NTRK2: variants seen among roughly 807,000 people sequenced by gnomAD.
The protein encoded by NTRK2 is neurotrophic receptor tyrosine kinase 2.
In NTRK2, 13 loss-of-function variants were observed where a neutral mutation model predicts 94.5. That is an observed-to-expected ratio of 0.14 (90% CI 0.09 to 0.22). The LOEUF (loss-of-function observed/expected upper bound fraction) is 0.22. Ranked by LOEUF, NTRK2 falls within the 10% of genes least tolerant of loss-of-function variation. The pLI is 1.00. For synonymous variants in NTRK2, 372 were observed against 407.4 expected, an observed-to-expected ratio of 0.91 and a Z score of 1.05; for missense variants, 639 against 1,071.2, an observed-to-expected ratio of 0.60 and a Z score of 5.63.
At chr9:84,939,799 G>A (rs559354925) in intron 15 of NTRK2, among the ~76,000 whole-genome samples, 1 of 152,040 alleles carries the variant, frequency 6.6e-6, no homozygotes, top group East Asian at 1.9e-4. Flanking sequence ...CAGCTTTCAG[G>A]CACCACTAGA....
chr9:84,914,300 A>G (rs1287132988), intron 14 of NTRK2, among the ~76,000 whole-genome samples: 1 of 152,200 alleles, frequency 6.6e-6, no homozygotes, highest in Non-Finnish European at 1.5e-5. Flanking sequence ...CTGTCATATA[A>G]TTCAAACATT....
In NTRK2 at chr9:84,806,713, T is replaced by C. The variant is rs139045899; in HGVS notation, c.1397-54327T>C. 2.6e-5 allele frequency among the ~76,000 whole-genome samples: 4 copies of C among 152,330 alleles called. No homozygotes were observed. In the East Asian group the frequency reaches 7.7e-4, roughly 29 times the overall value. ...GATAGTTGGTGCAGCAACCAACAGATATAAAGTGCTCCACAAATATCAAAT... is the reference window on the plus strand; with the variant it reads ...GATAGTTGGTGCAGCAACCAACAGACATAAAGTGCTCCACAAATATCAAAT... On this transcript the variant is annotated intron_variant, in intron 12 of 18. Transcript: ENST00000277120.
intron 14 of NTRK2, among the ~76,000 whole-genome samples, chr9:84,926,151 TTCCTTC>T (rs2077775964): frequency 3.2e-5 from 3 of 92,620 alleles, no homozygotes; most frequent in African/African-American, 7.4e-5. Flanking sequence ...CCTTCCTTCC[TTCCTTC>T]CTTCCTTCCT....
intron 12 of NTRK2, among the ~76,000 whole-genome samples, chr9:84,796,386 T>C (rs2069330193): frequency 6.6e-6 from 1 of 152,202 alleles, no homozygotes; most frequent in Non-Finnish European, 1.5e-5. Context: ...CCTTACCTTC[T>C]AGCTATATCT....
intron 17 of NTRK2, among the ~76,000 whole-genome samples, chr9:84,976,881 A>G (rs7030319): frequency 0.72 from 109,707 of 152,168 alleles, 40,071 homozygotes; most frequent in African/African-American, 0.79. Context: ...CTATAAATCC[A>G]TATGATTGAA....
chr9:84,764,024 GA>G (rs2065828497), intron 12 of NTRK2, among the ~76,000 whole-genome samples: 1 of 152,012 alleles, frequency 6.6e-6, no homozygotes, highest in African/African-American at 2.4e-5. Flanking sequence ...CTATAAACTG[GA>G]ACTTATTTCT....
intron 9 of NTRK2, among the ~76,000 whole-genome samples, chr9:84,737,075 A>C (rs1354410539): frequency 6.6e-6 from 1 of 152,218 alleles, no homozygotes; most frequent in Non-Finnish European, 1.5e-5. Context: ...GATCACATTA[A>C]ATAGAGTCTG....
intron 6 of NTRK2, among the ~76,000 whole-genome samples, chr9:84,715,639 C>T (rs1372677975): frequency 6.6e-6 from 1 of 152,068 alleles, no homozygotes. Context: ...AGCAGTGGTT[C>T]TGAAGACTGA....
intron 12 of NTRK2, among the ~76,000 whole-genome samples, chr9:84,759,418 G>A (rs1217664656): frequency 2.0e-5 from 3 of 152,358 alleles, no homozygotes; most frequent in East Asian, 1.9e-4. Flanking sequence ...CCTTGTAGGT[G>A]GATGCACTCT....
rs114878927 is a variant in NTRK2, at chr9:84,771,200, C to T, written c.1396+19115C>T. On this transcript the variant is annotated intron_variant, in intron 12 of 18. Transcript: ENST00000277120. ...CACAAAATTATTCAGCAGGTGACAA[C>T]GGGACAGGGCATTAGCAATGAGATT... 4.7e-3 allele frequency among the ~76,000 whole-genome samples: 712 copies of T among 152,220 alleles called. 8 individuals carry two copies. Among genetic ancestry groups the T allele is most frequent in the African/African-American group, 0.016 (669 of 41,542 alleles).
At chr9:84,882,718 GTGCGCGCGCGCGCGCA>G (rs2076292776) in intron 14 of NTRK2, among the ~76,000 whole-genome samples, 2 of 149,386 alleles carry the variant, frequency 1.3e-5, no homozygotes, top group African/African-American at 2.5e-5. Flanking sequence ...GTGTGTGTGT[GTGCGCGCGCGCGCGCA>G]TGTGTGCATT....
At chr9:84,949,904 A>C (rs1013688335) in intron 16 of NTRK2, among the ~76,000 whole-genome samples, 1 of 152,342 alleles carries the variant, frequency 6.6e-6, no homozygotes, top group South Asian at 2.1e-4. Context: ...AGAAAGGTCA[A>C]GTTGCTTTGA....
At chr9:84,882,800 G>A (rs1167740196) in intron 14 of NTRK2, among the ~76,000 whole-genome samples, 5 of 151,900 alleles carry the variant, frequency 3.3e-5, no homozygotes, top group Non-Finnish European at 7.4e-5. Context: ...CGGAGTTTTC[G>A]CTCTTGTCGC....
chr9:84,951,296 G>A (rs547920888), intron 16 of NTRK2, among the ~76,000 whole-genome samples: 1 of 152,304 alleles, frequency 6.6e-6, no homozygotes, highest in East Asian at 1.9e-4. Flanking sequence ...TTTCTTGTAA[G>A]TGATAGGACA....
At chr9:84,835,954 A>C (rs1368541407) in intron 12 of NTRK2, among the ~76,000 whole-genome samples, 2 of 152,190 alleles carry the variant, frequency 1.3e-5, no homozygotes, top group Non-Finnish European at 2.9e-5. Flanking sequence ...TCGTGGTTGA[A>C]GAGTAAGACA....
At chr9:85,012,134 G>A (rs1327400450) in intron 17 of NTRK2, among the ~76,000 whole-genome samples, 2 of 151,812 alleles carry the variant, frequency 1.3e-5, no homozygotes, top group African/African-American at 2.4e-5. Context: ...GACTACAGGT[G>A]TGTGCCACTG....
chr9:84,844,645 TCACTCACACACACA>T (rs2074368022), intron 12 of NTRK2, among the ~76,000 whole-genome samples: 1 of 101,624 alleles, frequency 9.8e-6, no homozygotes, highest in African/African-American at 4.0e-5. Context: ...ATGTAATACC[TCACTCACACACACA>T]CACACACACA....
intron 12 of NTRK2, among the ~76,000 whole-genome samples, chr9:84,772,239 C>T (rs1313489242): frequency 6.6e-6 from 1 of 152,152 alleles, no homozygotes; most frequent in Non-Finnish European, 1.5e-5. Flanking sequence ...CATCCATTTA[C>T]TTGTTCTCCC....
At chr9:84,784,164 C>T (rs745723724) in intron 12 of NTRK2, among the ~76,000 whole-genome samples, 3 of 152,044 alleles carry the variant, frequency 2.0e-5, no homozygotes, top group Non-Finnish European at 4.4e-5. Context: ...CTAGCACTGC[C>T]GGTTACTAGT....
Sources: gnomAD v4.1 joint callset for allele counts (sites outside exome capture counted in the v4.1 genomes callset) on GRCh38, gnomAD v4.1.1 for gene constraint, MANE v1.5 for transcripts, NCBI Gene and HGNC (gene_info 2026-07-23, HGNC 2026-07-21) for gene names.